ATP6V1E2: variants seen among roughly 807,000 people sequenced by gnomAD.
ATP6V1E2 encodes ATPase H+ transporting V1 subunit E2.
For missense variants in ATP6V1E2, 308 were observed against 273.3 expected, an observed-to-expected ratio of 1.13 and a Z score of -0.90; for synonymous variants, 121 against 104.2, an observed-to-expected ratio of 1.16 and a Z score of -0.98.
intron 4 of ATP6V1E2, among the ~76,000 whole-genome samples, chr2:46,520,226 C>A (rs1234417049): frequency 6.6e-6 from 1 of 152,214 alleles, no homozygotes; most frequent in Admixed American, 6.5e-5. Flanking sequence ...TGAGCAAGTC[C>A]CTCTGCAGGA....
chr2:46,541,690 T>G (rs976824551), intron 1 of ATP6V1E2: 3 of 152,332 alleles, frequency 2.0e-5, no homozygotes, highest in Middle Eastern at 3.4e-3. Flanking sequence ...AGTCAGCAAG[T>G]TGAGGGGAGG....
chr2:46,529,939 C>T (rs1470316454), intron 4 of ATP6V1E2, among the ~76,000 whole-genome samples: 1 of 152,080 alleles, frequency 6.6e-6, no homozygotes, highest in Admixed American at 6.5e-5. Context: ...ATGCAGTGGC[C>T]TGATCAGGGC....
chr2:46,532,515 T>G (rs988850603), intron 4 of ATP6V1E2, among the ~76,000 whole-genome samples: 2 of 152,292 alleles, frequency 1.3e-5, no homozygotes, highest in East Asian at 3.9e-4. Flanking sequence ...CTTCCAAAAT[T>G]TATGTTGGAA....
rs747578772 is a variant in ATP6V1E2, at chr2:46,511,984, A to C, written c.*47T>G. 37 of 1,507,290 alleles carry C rather than the reference A, an allele frequency of 2.5e-5. No individual in the cohort carries two copies. Among genetic ancestry groups the C allele is most frequent in the Non-Finnish European group, 3.1e-5 (35 of 1,128,992 alleles). 93.4% of individuals were successfully genotyped at this position (1,507,290 alleles called of 1,614,324 possible). On this transcript the variant is annotated 3_prime_UTR_variant, in exon 5 of 5. Transcript: ENST00000522587. ...TAGTTTCCTTTCCCCAAAAAACTTA[A>C]ACTTTTATGGTTTAGTGGTTCAACA...
At chr2:46,541,073 C>G (rs948367911) in intron 2 of ATP6V1E2, among the ~76,000 whole-genome samples, 1 of 152,220 alleles carries the variant, frequency 6.6e-6, no homozygotes, top group African/African-American at 2.4e-5. Context: ...CTCTCCTTTT[C>G]AAGCTCCTGG....
At position 46,517,907 on chromosome 2, in the gene ATP6V1E2, T is replaced by C. The variant is rs75714789; in HGVS notation, c.-101-5095A>G. ...CTGGAACTCCTGTGCACTGGGTTGGTGGGAATGTAAAATGATGCAGCTGCT... is the reference window on the plus strand; with the variant it reads ...CTGGAACTCCTGTGCACTGGGTTGGCGGGAATGTAAAATGATGCAGCTGCT... On this transcript the variant is annotated intron_variant, in intron 4 of 4. Transcript: ENST00000522587. 2.0e-3 allele frequency among the ~76,000 whole-genome samples: 301 copies of C among 152,302 alleles called. 2 individuals carry two copies. Among genetic ancestry groups the C allele is most frequent in the African/African-American group, 6.6e-3 (275 of 41,568 alleles).
chr2:46,519,454 T>C (rs1436108594), intron 4 of ATP6V1E2: 1 of 152,242 alleles, frequency 6.6e-6, no homozygotes, highest in Non-Finnish European at 1.5e-5. Flanking sequence ...CAACAGGGGA[T>C]GCTGTGTTCC....
intron 3 of ATP6V1E2, among the ~76,000 whole-genome samples, 183 bp from the exon 4 acceptor site, chr2:46,536,110 C>T (rs1317596383): frequency 6.6e-6 from 1 of 152,200 alleles, no homozygotes; most frequent in Non-Finnish European, 1.5e-5. Flanking sequence ...GTCACAATGA[C>T]TAGTCTCCTG....
At chr2:46,527,678 T>C (rs1294057147) in intron 4 of ATP6V1E2, among the ~76,000 whole-genome samples, 35 of 152,126 alleles carry the variant, frequency 2.3e-4, no homozygotes, top group Non-Finnish European at 1.5e-5. Flanking sequence ...GGGTTTGTTG[T>C]TGTTGTTGTT....
chr2:46,516,341 T>C (rs952786225), intron 4 of ATP6V1E2, among the ~76,000 whole-genome samples: 15 of 152,220 alleles, frequency 9.9e-5, no homozygotes, highest in Admixed American at 8.5e-4. Flanking sequence ...TTTTCAACTA[T>C]ATGGAATGAA....
At chr2:46,521,754 G>A (rs181746291) in intron 4 of ATP6V1E2, among the ~76,000 whole-genome samples, 2 of 152,084 alleles carry the variant, frequency 1.3e-5, no homozygotes, top group East Asian at 1.9e-4. Flanking sequence ...GCAGTGGTGC[G>A]ATCTTGGCTC....
At chr2:46,520,725 G>C (rs2103858548) in intron 4 of ATP6V1E2, among the ~76,000 whole-genome samples, 1 of 152,240 alleles carries the variant, frequency 6.6e-6, no homozygotes. Context: ...TGTTTTTCCA[G>C]TTATTTTTGC....
chr2:46,512,126 A>G lies in ATP6V1E2; in HGVS notation c.586T>C (p.Leu196=). The G allele has an allele frequency of 6.2e-7, 1 of 1,614,122 alleles. No homozygotes were observed. Among genetic ancestry groups the G allele is most frequent in the Non-Finnish European group, 8.5e-7 (1 of 1,180,026 alleles). The part of the protein sequence containing the change: ...GNQRIKVSNT[L]ESRLDLSAKQ... ...GCTGAGAGATCCAGTCGGCTTTCCA[A>G]GGTATTTGAAACCTTTATTCTCTGA... is the stretch of plus-strand genomic sequence containing the variant. The change falls in exon 5 of 5, where the codon TTG becomes CTG. Residue 196 remains leucine (L), a synonymous_variant. Transcript: ENST00000522587.
At chr2:46,517,822 T>C (rs1666356741) in intron 4 of ATP6V1E2, among the ~76,000 whole-genome samples, 1 of 152,190 alleles carries the variant, frequency 6.6e-6, no homozygotes, top group Non-Finnish European at 1.5e-5. Context: ...ATGGTCATTA[T>C]TTTTTAAAAA....
intron 4 of ATP6V1E2, among the ~76,000 whole-genome samples, chr2:46,516,767 AC>A (rs1247822957): frequency 6.6e-6 from 1 of 152,152 alleles, no homozygotes; most frequent in Non-Finnish European, 1.5e-5. Flanking sequence ...AAGTTACCTA[AC>A]TTTACACCTC....
At chr2:46,523,869 G>T (rs1340536010) in intron 4 of ATP6V1E2, among the ~76,000 whole-genome samples, 1 of 152,150 alleles carries the variant, frequency 6.6e-6, no homozygotes, top group African/African-American at 2.4e-5. Context: ...CATGAGAATG[G>T]AATGTTTTTC....
chr2:46,522,685 G>C (rs922710154), intron 4 of ATP6V1E2, among the ~76,000 whole-genome samples: 1 of 152,102 alleles, frequency 6.6e-6, no homozygotes, highest in African/African-American at 2.4e-5. Context: ...TTTATAATTA[G>C]TGCTGCAATA....
At chr2:46,533,010 A>G (rs1667254725) in intron 4 of ATP6V1E2, among the ~76,000 whole-genome samples, 1 of 151,500 alleles carries the variant, frequency 6.6e-6, no homozygotes, top group African/African-American at 2.4e-5. Context: ...CATGTTATAA[A>G]CCATGTAATA....
chr2:46,528,817 G>A (rs1667049998), intron 4 of ATP6V1E2, among the ~76,000 whole-genome samples: 1 of 152,266 alleles, frequency 6.6e-6, no homozygotes, highest in South Asian at 2.1e-4. Context: ...CAGTGGAGCT[G>A]AGAAGGCCGA....
Sources: gnomAD v4.1 joint callset for allele counts (sites outside exome capture counted in the v4.1 genomes callset) on GRCh38, gnomAD v4.1.1 for gene constraint, MANE v1.5 for transcripts, NCBI Gene and HGNC (gene_info 2026-07-23, HGNC 2026-07-21) for gene names.